The following GRK5 variants were observed in gnomAD, a reference collection of about 807,000 sequenced individuals.
GRK5 encodes the protein G protein-coupled receptor kinase 5.
Under a neutral mutation model 78.4 loss-of-function variants are expected in GRK5, and 40 were observed. The ratio of observed to expected loss-of-function variants is 0.51; its 90% confidence interval spans 0.40 to 0.66. GRK5 has a LOEUF of 0.66. GRK5 is among the 30% of genes least tolerant of loss of function. The pLI, the probability that GRK5 is intolerant of heterozygous loss-of-function variation, is 0.00. For synonymous variants in GRK5, 289 were observed against 296.8 expected, an observed-to-expected ratio of 0.97 and a Z score of 0.27; for missense variants, 598 against 759.9, an observed-to-expected ratio of 0.79 and a Z score of 2.50.
intron 2 of GRK5, among the ~76,000 whole-genome samples, chr10:119,357,168 T>C (rs560641527): frequency 1.3e-5 from 2 of 152,328 alleles, no homozygotes; most frequent in African/African-American, 4.8e-5. Context: ...AAATGGTGTT[T>C]TTTCTCATTT....
chr10:119,425,267 A>G (rs1311376138), intron 6 of GRK5, among the ~76,000 whole-genome samples, 182 bp downstream of exon 6: 1 of 113,530 alleles, frequency 8.8e-6, no homozygotes, highest in Non-Finnish European at 1.9e-5. Flanking sequence ...GCACACACAC[A>G]TACACACACA....
intron 2 of GRK5, among the ~76,000 whole-genome samples, chr10:119,361,721 G>T (rs10787958): frequency 0.46 from 69,599 of 151,924 alleles, 16,847 homozygotes; most frequent in Middle Eastern, 0.57. Flanking sequence ...AGGACTTTGG[G>T]AGGCTGAGGC....
chr10:119,439,899 A>G, intron 10 of GRK5, 131 bp downstream of exon 10: 1 of 768,778 alleles, frequency 1.3e-6, no homozygotes, highest in East Asian at 2.5e-5. Context: ...AGTGCTGGGT[A>G]CCTGGGGAAG....
intron 1 of GRK5, among the ~76,000 whole-genome samples, chr10:119,213,496 G>A (rs929378336): frequency 3.3e-5 from 5 of 152,138 alleles, no homozygotes; most frequent in African/African-American, 1.2e-4. Flanking sequence ...GGGTGACAGA[G>A]TAAGACTCTG....
intron 4 of GRK5, among the ~76,000 whole-genome samples, chr10:119,418,841 C>A (rs1218319710): frequency 6.6e-6 from 1 of 152,186 alleles, no homozygotes; most frequent in Non-Finnish European, 1.5e-5. Flanking sequence ...CAACGAGCAC[C>A]ACCAAGACCC....
At chr10:119,437,971 G>A (rs377393163) in intron 9 of GRK5, among the ~76,000 whole-genome samples, 10 of 152,160 alleles carry the variant, frequency 6.6e-5, no homozygotes, top group African/African-American at 2.2e-4. Context: ...GGTGGCACGC[G>A]CCTGTAGTCC....
intron 1 of GRK5, among the ~76,000 whole-genome samples, chr10:119,323,894 G>C (rs1056494822): frequency 7.9e-5 from 12 of 152,158 alleles, no homozygotes; most frequent in Admixed American, 7.2e-4. Context: ...TCATTCTTGT[G>C]CCTTTGTGTC....
intron 6 of GRK5, among the ~76,000 whole-genome samples, chr10:119,427,003 C>G (rs1589803932): frequency 6.6e-6 from 1 of 152,128 alleles, no homozygotes; most frequent in East Asian, 1.9e-4. Context: ...CCATCAACAG[C>G]ATCACAGCCA....
chr10:119,349,128 G>A (rs1851149844), intron 2 of GRK5, among the ~76,000 whole-genome samples: 1 of 152,220 alleles, frequency 6.6e-6, no homozygotes, highest in African/African-American at 2.4e-5. Flanking sequence ...GTTGTTTCAG[G>A]GAAGAACTCG....
At chr10:119,453,428 G>T in intron 15 of GRK5, 152 bp downstream of exon 15, 1 of 860,380 alleles carries the variant, frequency 1.2e-6, no homozygotes, top group Non-Finnish European at 1.8e-6. Context: ...TATGTCCAAG[G>T]CCCCTGATAC....
At chr10:119,447,787 T>C (rs1197762913) in intron 12 of GRK5, among the ~76,000 whole-genome samples, 1 of 152,194 alleles carries the variant, frequency 6.6e-6, no homozygotes, top group African/African-American at 2.4e-5. Flanking sequence ...ACAGAGCTAT[T>C]GATGCAGTCC....
At chr10:119,323,914 G>A (rs1273453050) in intron 1 of GRK5, among the ~76,000 whole-genome samples, 1 of 151,968 alleles carries the variant, frequency 6.6e-6, no homozygotes, top group Non-Finnish European at 1.5e-5. Context: ...CCTCATCTGA[G>A]CTCCTGGGAA....
intron 4 of GRK5, among the ~76,000 whole-genome samples, chr10:119,405,605 C>T (rs765622079): frequency 1.3e-5 from 2 of 151,022 alleles, no homozygotes; most frequent in Admixed American, 6.6e-5. Flanking sequence ...AACAAACCCA[C>T]GCAGGCTGGG....
At chr10:119,226,190 G>C (rs1271767475) in intron 1 of GRK5, among the ~76,000 whole-genome samples, 1 of 151,760 alleles carries the variant, frequency 6.6e-6, no homozygotes, top group African/African-American at 2.4e-5. Context: ...ATATTGGCCA[G>C]TCTGGGCTCG....
chr10:119,221,517 A>G (rs1411558943), intron 1 of GRK5, among the ~76,000 whole-genome samples: 14 of 152,224 alleles, frequency 9.2e-5, no homozygotes, highest in Non-Finnish European at 1.9e-4. Context: ...GGGGTTATCC[A>G]GTTCTAAAGG....
intron 1 of GRK5, among the ~76,000 whole-genome samples, chr10:119,301,714 T>A (rs1850184410): frequency 6.6e-6 from 1 of 152,236 alleles, no homozygotes; most frequent in South Asian, 2.1e-4. Context: ...TCCTTACCAG[T>A]CAAACCGTGG....
chr10:119,323,067 A>C (rs1281692487), intron 1 of GRK5, among the ~76,000 whole-genome samples: 1 of 152,272 alleles, frequency 6.6e-6, no homozygotes, highest in African/African-American at 2.4e-5. Context: ...AACATGTATG[A>C]TTCCCTTATA....
In GRK5 at chr10:119,402,095, A is replaced by G. The variant is rs566626874; in HGVS notation, c.339+5323A>G. 3.9e-5 allele frequency among the ~76,000 whole-genome samples: 6 copies of G among 152,330 alleles called. No individual in the cohort carries two copies. The East Asian group carries it at 1.2e-3, about 29-fold the overall frequency. Reference sequence around the variant, plus strand: ...GAAGCTTTTAAGTGCTTGACCCAGAAGCAACACTCATCACTTCCTCTCGCA... The same window carrying G: ...GAAGCTTTTAAGTGCTTGACCCAGAGGCAACACTCATCACTTCCTCTCGCA... On this transcript the variant is annotated intron_variant, in intron 4 of 15. Transcript: ENST00000392870.
At position 119,441,334 on chromosome 10, in the gene GRK5, G is replaced by C. The variant is rs1436968133; in HGVS notation, c.968-665G>C. ...GGCCCTGGTGTCCATAGGCAGGGAA[G>C]GGAAGGGGACGTGTTCCTTCCTGTG... is the stretch of plus-strand genomic sequence containing the variant. On this transcript the variant is annotated intron_variant, in intron 10 of 15. Coordinates refer to ENST00000392870, the MANE Select transcript of GRK5 (RefSeq NM_005308.3). Among the ~76,000 whole-genome samples, 8 of 152,324 alleles carry C rather than the reference G, an allele frequency of 5.3e-5. No individual in the cohort carries two copies. In the South Asian group the frequency reaches 1.7e-3, roughly 32 times the overall value.
Sources: gnomAD v4.1 joint callset for allele counts (sites outside exome capture counted in the v4.1 genomes callset) on GRCh38, gnomAD v4.1.1 for gene constraint, MANE v1.5 for transcripts, NCBI Gene and HGNC (gene_info 2026-07-23, HGNC 2026-07-21) for gene names.